The following COMMD6 variants were observed in gnomAD, a reference collection of about 807,000 sequenced individuals.
The protein encoded by COMMD6 is COMM domain containing 6.
Under a neutral mutation model 13.4 loss-of-function variants are expected in COMMD6, and 11 were observed. The observed-to-expected ratio is 0.82, with a 90% CI of 0.52 to 1.36. COMMD6 has a LOEUF of 1.36. Ranked by LOEUF, COMMD6 falls within the 40% of genes most tolerant of loss-of-function variation. The pLI is 0.00. For synonymous variants in COMMD6, 43 were observed against 36.5 expected, an observed-to-expected ratio of 1.18 and a Z score of -0.64; for missense variants, 124 against 102.4, an observed-to-expected ratio of 1.21 and a Z score of -0.91.
chr13:75,529,823 G>A, intron 3 of COMMD6: 1 of 249,954 alleles, frequency 4.0e-6, no homozygotes. Flanking sequence ...TAAATGCAAA[G>A]TAAATATCCT....
upstream of COMMD6, among the ~76,000 whole-genome samples, chr13:75,541,764 T>G (rs1002049681): frequency 6.6e-6 from 1 of 152,176 alleles, no homozygotes; most frequent in Non-Finnish European, 1.5e-5. Context: ...TCAACATATT[T>G]ACTATACTGT....
At position 75,526,391 on chromosome 13, in the gene COMMD6, T is replaced by C. The variant is rs934125970; in HGVS notation, c.*198A>G. 2 of 496,122 alleles carry C rather than the reference T, an allele frequency of 4.0e-6. No individual in the cohort carries two copies. The highest frequency in any genetic ancestry group is 3.1e-5 in the East Asian group (1 of 31,854). 30.7% of individuals were successfully genotyped at this position (496,122 alleles called of 1,614,324 possible). On this transcript the variant is annotated 3_prime_UTR_variant, in exon 4 of 4. Coordinates refer to ENST00000682242, the MANE Select transcript of COMMD6 (RefSeq NM_203495.4). ...CTCTAAAGTGTCTAATTATCACTTTTATAAAGCACATTCACAAAGTTTTGC... is the reference window on the plus strand; with the variant it reads ...CTCTAAAGTGTCTAATTATCACTTTCATAAAGCACATTCACAAAGTTTTGC...
intron 3 of COMMD6, chr13:75,529,874 A>C (rs2030408505): frequency 2.5e-6 from 1 of 392,970 alleles, no homozygotes; most frequent in Admixed American, 4.3e-5. Flanking sequence ...CTCAGAGAGG[A>C]GTACTGTTCA....
At chr13:75,530,565 T>C (rs993716996) in intron 2 of COMMD6, 2 of 212,190 alleles carry the variant, frequency 9.4e-6, no homozygotes, top group Middle Eastern at 1.7e-3. Flanking sequence ...TGTGGCAGTA[T>C]TGGTTTCCTT....
chr13:75,547,029 A>G (rs1426909006), intron 1 of COMMD6, among the ~76,000 whole-genome samples: 1 of 152,244 alleles, frequency 6.6e-6, no homozygotes, highest in African/African-American at 2.4e-5. Flanking sequence ...TTGATTCATT[A>G]GCATTGAACT....
At chr13:75,527,975 G>T in intron 3 of COMMD6, 5 of 1,122,066 alleles carry the variant, frequency 4.5e-6, no homozygotes, top group Non-Finnish European at 5.8e-6. Flanking sequence ...CTTGAAATTT[G>T]CTAAAAAACA....
chr13:75,532,928 G>GTTTTTTTT (rs1364203181), intron 2 of COMMD6, among the ~76,000 whole-genome samples: 1 of 146,228 alleles, frequency 6.8e-6, no homozygotes, highest in African/African-American at 2.5e-5. Flanking sequence ...GAAAGTTTTT[G>GTTTTTTTT]TTTTGTTTTT....
At chr13:75,540,414 G>A (rs1478780231), upstream of COMMD6, among the ~76,000 whole-genome samples, 3 of 151,596 alleles carry the variant, frequency 2.0e-5, no homozygotes, top group African/African-American at 7.3e-5. Flanking sequence ...TCAAAAAGGT[G>A]AAAAGATGTG....
chr13:75,537,449 G>C (rs768205427), intron 2 of COMMD6: 4 of 1,551,326 alleles, frequency 2.6e-6, no homozygotes, highest in Non-Finnish European at 2.6e-6. Flanking sequence ...CATTCTTCGG[G>C]CTAGTGCAGG....
chr13:75,535,537 G>C (rs1482760645), intron 2 of COMMD6, among the ~76,000 whole-genome samples: 1 of 152,232 alleles, frequency 6.6e-6, no homozygotes, highest in East Asian at 1.9e-4. Flanking sequence ...ACAATATGCT[G>C]ATCTGATTGT....
chr13:75,546,689 G>A (rs926982475), intron 1 of COMMD6, among the ~76,000 whole-genome samples: 2 of 152,222 alleles, frequency 1.3e-5, no homozygotes, highest in East Asian at 1.9e-4. Context: ...TACTAAAAGT[G>A]CATGGATTTA....
chr13:75,540,398 A>G (rs2030810669), upstream of COMMD6, among the ~76,000 whole-genome samples: 1 of 151,556 alleles, frequency 6.6e-6, no homozygotes, highest in Non-Finnish European at 1.5e-5. Flanking sequence ...ACTTTGTAAA[A>G]ATGCTTCAAA....
At chr13:75,537,474 C>A in intron 2 of COMMD6, 190 bp downstream of exon 2, 1 of 1,552,430 alleles carries the variant, frequency 6.4e-7, no homozygotes, top group South Asian at 1.2e-5. Context: ...GGAAGAGGAG[C>A]TTTCATTACA....
chr13:75,531,453 T>C (rs999199993), intron 2 of COMMD6, among the ~76,000 whole-genome samples: 13 of 152,218 alleles, frequency 8.5e-5, no homozygotes, highest in Admixed American at 5.2e-4. Context: ...TCTCAGACTT[T>C]CTTTGCACCA....
At chr13:75,538,552 C>T (rs1593960851), upstream of COMMD6, among the ~76,000 whole-genome samples, 1 of 152,148 alleles carries the variant, frequency 6.6e-6, no homozygotes, top group Admixed American at 6.5e-5. Flanking sequence ...TGCTTTATCT[C>T]GGCTTGTATT....
At chr13:75,534,618 T>C (rs1025830140) in intron 2 of COMMD6, among the ~76,000 whole-genome samples, 1 of 152,140 alleles carries the variant, frequency 6.6e-6, no homozygotes, top group Non-Finnish European at 1.5e-5. Flanking sequence ...CCCAAAATCA[T>C]TGTATGATGA....
intron 2 of COMMD6, among the ~76,000 whole-genome samples, chr13:75,536,120 T>C (rs1201793075): frequency 1.3e-5 from 2 of 152,164 alleles, no homozygotes; most frequent in Non-Finnish European, 2.9e-5. Flanking sequence ...CTGCTGGCCT[T>C]AAGCAATCCT....
upstream of COMMD6, among the ~76,000 whole-genome samples, chr13:75,543,241 G>A (rs1482841906): frequency 6.6e-6 from 1 of 152,184 alleles, no homozygotes; most frequent in Non-Finnish European, 1.5e-5. Context: ...CTCATTACCT[G>A]GGTGTTGAAA....
chr13:75,534,287 G>A (rs559586906), intron 2 of COMMD6, among the ~76,000 whole-genome samples: 4 of 152,150 alleles, frequency 2.6e-5, no homozygotes, highest in South Asian at 2.1e-4. Context: ...CAATGAAGGC[G>A]TGCAATGCTA....
Sources: allele counts gnomAD v4.1 joint callset (sites outside exome capture counted in the v4.1 genomes callset), GRCh38; gene constraint gnomAD v4.1.1; transcripts MANE v1.5; gene names NCBI Gene and HGNC (gene_info 2026-07-23, HGNC 2026-07-21).